GRHL3: variants seen among roughly 807,000 people sequenced by gnomAD.
GRHL3 encodes the protein grainyhead like transcription factor 3.
Under a neutral mutation model 70.3 loss-of-function variants are expected in GRHL3, and 20 were observed. That is an observed-to-expected ratio of 0.28 (90% CI 0.20 to 0.41). The LOEUF is 0.41. Among genes scored for constraint, GRHL3 ranks in the 10% least tolerant of loss-of-function variants. The pLI, the probability that GRHL3 is intolerant of heterozygous loss-of-function variation, is 1.00. For synonymous variants in GRHL3, 299 were observed against 299.9 expected (o/e 1.00, Z 0.03); for missense variants, 637 against 762.3 (o/e 0.84, Z 1.94).
At chr1:24,335,721 T>C (rs1310022417) in intron 3 of GRHL3, among the ~76,000 whole-genome samples, 1 of 152,026 alleles carries the variant, frequency 6.6e-6, no homozygotes, top group Admixed American at 6.5e-5. Context: ...CAGCTGGGAC[T>C]ACAGGCTCCC....
rs570221399 is a variant in GRHL3, at chr1:24,346,132, C to T, written c.1455-421C>T. On this transcript the variant is annotated intron_variant, in intron 12 of 15. Coordinates refer to ENST00000361548, the MANE Select transcript of GRHL3 (RefSeq NM_198173.3). ...CCCCAGTCCTTCCACCCCCCCACCCCGCCTCACATCTGACCTGACTTCTTT... is the reference window on the plus strand; with the variant it reads ...CCCCAGTCCTTCCACCCCCCCACCCTGCCTCACATCTGACCTGACTTCTTT... 1.8e-4 allele frequency among the ~76,000 whole-genome samples: 27 copies of T among 151,952 alleles called. No individual in the cohort carries two copies. In the East Asian group the frequency reaches 4.5e-3, roughly 25 times the overall value.
At chr1:24,349,466 T>C (rs556381156) in intron 14 of GRHL3, among the ~76,000 whole-genome samples, 14 of 152,354 alleles carry the variant, frequency 9.2e-5, no homozygotes, top group African/African-American at 3.4e-4. Context: ...GCTCTGCTTC[T>C]GAAAAAAACA....
chr1:24,344,899 A>G lies in GRHL3; in HGVS notation c.1422A>G (p.Ala474=), dbSNP rs1368616877. 4 of 1,613,622 alleles carry G rather than the reference A, an allele frequency of 2.5e-6. No homozygotes were observed. The South Asian group carries it at 4.4e-5, about 18-fold the overall frequency. ...ATGTCTTTTTCACTTCATTGCAGGC[A>G]GCCCCCTCGGCAGGACCCAGCAGCT... ...HFSSLQRSGG[A]APSAGPSSSN... is the part of the protein sequence containing the mutation. The change falls in exon 12 of 16, where the codon GCA becomes GCG. Residue 474 remains alanine, a splice_region_variant and synonymous_variant. Transcript: ENST00000361548.
chr1:24,342,337 G>C lies in GRHL3; in HGVS notation c.1206+64G>C. ...AGGTAGAAGGGCCAAACCCTGACCC[G>C]TGCGTCCTCCTAGCTTCTCTGGGTT... On this transcript the variant is annotated intron_variant, in intron 9 of 15. Coordinates refer to ENST00000361548, the MANE Select transcript of GRHL3 (RefSeq NM_198173.3). This position sits in a 1 kb window ranked among gnomAD's most constrained non-coding sequence, Gnocchi z 4.8. The C allele has an allele frequency of 7.2e-7, 1 of 1,389,710 alleles. No homozygotes were observed. Among genetic ancestry groups the C allele is most frequent in the Non-Finnish European group, 9.9e-7 (1 of 1,014,088 alleles). 86.1% of individuals were successfully genotyped at this position (1,389,710 alleles called of 1,614,324 possible). A position where few individuals can be genotyped will look rare whatever the true frequency, so the allele number is the denominator to read the frequency against.
rs1436345196 is a variant in GRHL3, at chr1:24,354,499, GC to G, written c.*12del. ...CTTAAGGAGCTGTAAGGCCTCTCGA[GC>G]ATCCAAACCCTCACGACCTGCAAGG... On this transcript the variant is annotated 3_prime_UTR_variant, in exon 16 of 16. Transcript: ENST00000361548. 6.4e-7 allele frequency: 1 copy of G among 1,569,840 alleles called. No homozygotes were observed. Among genetic ancestry groups the G allele is most frequent in the Admixed American group, 1.7e-5 (1 of 59,884 alleles).
downstream of GRHL3, chr1:24,358,134 G>GA: frequency 2.2e-6 from 1 of 452,146 alleles, no homozygotes; most frequent in Non-Finnish European, 4.4e-6. Context: ...ATGAAGGAAT[G>GA]AAACAGGGAA....
At chr1:24,335,014 AACACACACAC>A (rs35646472) in intron 3 of GRHL3, among the ~76,000 whole-genome samples, 5,079 of 136,986 alleles carry the variant, frequency 0.037, 142 homozygotes, top group South Asian at 0.093. Flanking sequence ...TCAGCTTGAA[AACACACACAC>A]ACACACACAC....
chr1:24,364,397 A>AT (rs1409161269), exon 16 of GRHL3: 1 of 1,517,952 alleles, frequency 6.6e-7, no homozygotes, highest in Non-Finnish European at 8.8e-7. Flanking sequence ...GAGAGGTGGA[A>AT]GGACGACGGC....
At chr1:24,331,241 G>A (rs1639592307) in intron 1 of GRHL3, among the ~76,000 whole-genome samples, 185 bp from the exon 2 acceptor site, 1 of 152,212 alleles carries the variant, frequency 6.6e-6, no homozygotes, top group Admixed American at 6.5e-5. Context: ...GGCAACATTT[G>A]GAATCGATCC....
rs1639182121 is a variant in GRHL3 at position 24,321,456 on chromosome 1, A to T, written c.17+1888A>T. 6.6e-6 allele frequency among the ~76,000 whole-genome samples: 1 copy of T among 152,174 alleles called. No individual in the cohort carries two copies. The highest frequency in any genetic ancestry group is 1.5e-5 in the Non-Finnish European group (1 of 68,022). Reference sequence around the variant, plus strand: ...CTGCTGTTGCTTCTGCGGCCTCGACATTCTCCTAAAAAGTGCCAAGTTAAG... The same window carrying T: ...CTGCTGTTGCTTCTGCGGCCTCGACTTTCTCCTAAAAAGTGCCAAGTTAAG... On this transcript the variant is annotated intron_variant, in intron 1 of 15. Transcript: ENST00000361548. This position sits in a 1 kb window ranked among gnomAD's most constrained non-coding sequence, Gnocchi z 4.0.
intron 2 of GRHL3, 105 bp downstream of exon 2, chr1:24,331,717 C>T (rs1639623504): frequency 2.1e-6 from 2 of 955,378 alleles, no homozygotes; most frequent in Non-Finnish European, 3.2e-6. Context: ...CCCCTCATCT[C>T]TGGGCCTTTG....
intron 2 of GRHL3, among the ~76,000 whole-genome samples, chr1:24,332,864 CCTT>C (rs1183970248): frequency 1.3e-5 from 2 of 152,234 alleles, no homozygotes; most frequent in African/African-American, 4.8e-5. Context: ...CTTTGGTTCT[CCTT>C]CTGGAGTGGT....
In GRHL3 at chr1:24,342,892, G is replaced by T. The variant is rs964729493; in HGVS notation, c.1286G>T (p.Gly429Val). ...CACATTGGCTTCCTTCTCCCATCAG[G>T]CGTCAAGGGCTGCCTGCTGTCGGGC... ...KVKCPDSSNS[G>V]VKGCLLSGFR... Residue 429 changes from glycine (G) to valine (V), a missense_variant and splice_region_variant, in exon 11 of 16, where the codon GGC becomes GTC. Physicochemically the swap from Gly to Val is moderately radical, Grantham distance 109 (BLOSUM62 -3). Around this residue, in one of 2 missense-constraint regions of GRHL3, gnomAD observed 387 missense variants for 513.8 expected, o/e 0.75. Coordinates refer to ENST00000361548, the MANE Select transcript of GRHL3 (RefSeq NM_198173.3). The surrounding 1 kb of genome is among the most constrained non-coding windows in gnomAD (Gnocchi z 4.8). The T allele has an allele frequency of 6.2e-7, 1 of 1,614,098 alleles. No homozygotes were observed. Among genetic ancestry groups the T allele is most frequent in the African/African-American group, 1.3e-5 (1 of 74,920 alleles).
downstream of GRHL3, chr1:24,358,755 G>A (rs749799146): frequency 9.3e-6 from 6 of 644,860 alleles, no homozygotes; most frequent in South Asian, 3.9e-5. Flanking sequence ...GGGAGACAGA[G>A]AGGAAGGAAC....
intron 5 of GRHL3, 169 bp from the exon 6 acceptor site, chr1:24,337,467 A>G: frequency 1.5e-6 from 1 of 684,576 alleles, no homozygotes; most frequent in Admixed American, 2.9e-5. Context: ...CAACAAAGCC[A>G]TTAAATAGAA....
At position 24,322,877 on chromosome 1, in the gene GRHL3, A is replaced by AT. The variant is rs1433712751; in HGVS notation, c.17+3310dup. Reference sequence around the variant, plus strand: ...TTCTTTAAACCCTCCCAACAAACTAATGCGGGATGGGAGTGTAAATGCAGT... The same window carrying AT: ...TTCTTTAAACCCTCCCAACAAACTAATTGCGGGATGGGAGTGTAAATGCAGT... On this transcript the variant is annotated intron_variant, in intron 1 of 15. Coordinates refer to ENST00000361548, the MANE Select transcript of GRHL3 (RefSeq NM_198173.3). The surrounding 1 kb of genome is among the most constrained non-coding windows in gnomAD (Gnocchi z 4.4). 1.3e-5 allele frequency among the ~76,000 whole-genome samples: 2 copies of AT among 152,134 alleles called. No homozygotes were observed. The highest frequency in any genetic ancestry group is 4.8e-5 in the African/African-American group (2 of 41,456).
Position 24,321,664 on chromosome 1 carries a change from A to G in GRHL3, c.17+2096A>G, listed in dbSNP as rs1259511064. ...GTCTGCTCATCTGTCTGTAACACCT[A>G]CCTGGCAGGAACAACTGTGAGCTCC... On this transcript the variant is annotated intron_variant, in intron 1 of 15. Coordinates refer to ENST00000361548, the MANE Select transcript of GRHL3 (RefSeq NM_198173.3). The surrounding 1 kb of genome is among the most constrained non-coding windows in gnomAD (Gnocchi z 4.0). 6.6e-6 allele frequency: 1 copy of G among 152,218 alleles called. No homozygotes were observed. Among genetic ancestry groups the G allele is most frequent in the Non-Finnish European group, 1.5e-5 (1 of 68,064 alleles). The allele number at this position is 152,218 out of a possible 1,614,324, so 9.4% of individuals were successfully genotyped here. A position where few individuals can be genotyped will look rare whatever the true frequency, so the allele number is the denominator to read the frequency against.
At chr1:24,344,749 T>C in intron 11 of GRHL3, 148 bp from the exon 12 acceptor site, 1 of 838,492 alleles carries the variant, frequency 1.2e-6, no homozygotes. Flanking sequence ...TAAGGGCACT[T>C]GTCTGAGCAG....
At chr1:24,341,605 C>T (rs1640042745) in intron 8 of GRHL3, among the ~76,000 whole-genome samples, 1 of 152,168 alleles carries the variant, frequency 6.6e-6, no homozygotes, top group African/African-American at 2.4e-5. Flanking sequence ...AAGAACCTCT[C>T]ACTAGAGGGT....
Sources: allele counts gnomAD v4.1 joint callset (sites outside exome capture counted in the v4.1 genomes callset), GRCh38; gene constraint gnomAD v4.1.1; regional missense constraint gnomAD v4.1.1; non-coding constraint Gnocchi (gnomAD v3.1); transcripts MANE v1.5; gene names NCBI Gene and HGNC (gene_info 2026-07-23, HGNC 2026-07-21).